The following DAPK2 variants were observed in gnomAD, a reference collection of about 807,000 sequenced individuals.
The protein encoded by DAPK2 is death-associated protein kinase 2.
DAPK2 carries 35 observed loss-of-function variants against 44.1 expected under a neutral mutation model. That is an observed-to-expected ratio of 0.79 (90% CI 0.61 to 1.05). The LOEUF (loss-of-function observed/expected upper bound fraction) is 1.05. Ranked by LOEUF, DAPK2 falls within the 50% of genes least tolerant of loss-of-function variation. The probability of loss-of-function intolerance (pLI) is 0.00; values close to 1 mark genes in which losing one functional copy is unlikely to be tolerated. For synonymous variants in DAPK2, 174 were observed against 182.6 expected (o/e 0.95, Z 0.38); for missense variants, 453 against 483.2 (o/e 0.94, Z 0.59).
At chr15:63,922,570 G>C in intron 8 of DAPK2, 1 of 1,411,002 alleles carries the variant, frequency 7.1e-7, no homozygotes, top group Non-Finnish European at 9.2e-7. Flanking sequence ...GCAGAATGAA[G>C]AATTAACTGG....
At chr15:64,030,466 A>T (rs1029608709) in intron 1 of DAPK2, among the ~76,000 whole-genome samples, 1 of 152,076 alleles carries the variant, frequency 6.6e-6, no homozygotes, top group African/African-American at 2.4e-5. Flanking sequence ...TACAAGTCTC[A>T]TGGGTTTAAG....
chr15:63,951,522 TG>T (rs1294833667), intron 3 of DAPK2, among the ~76,000 whole-genome samples: 1 of 152,182 alleles, frequency 6.6e-6, no homozygotes, highest in African/African-American at 2.4e-5. Context: ...CACACCAGGA[TG>T]ATTTCCACTC....
intron 1 of DAPK2, among the ~76,000 whole-genome samples, chr15:64,009,977 G>A (rs2079345205): frequency 6.6e-6 from 1 of 152,190 alleles, no homozygotes; most frequent in Non-Finnish European, 1.5e-5. Flanking sequence ...CAGTTGGGCT[G>A]TGGGTAAGAG....
chr15:63,962,799 G>A (rs1445117877), intron 3 of DAPK2, among the ~76,000 whole-genome samples: 1 of 152,240 alleles, frequency 6.6e-6, no homozygotes, highest in Non-Finnish European at 1.5e-5. Flanking sequence ...TCGGGGGTCA[G>A]GGACCCACTT....
intron 8 of DAPK2, 69 bp downstream of exon 9, chr15:63,924,747 C>T: frequency 6.4e-7 from 1 of 1,569,544 alleles, no homozygotes; most frequent in Non-Finnish European, 8.7e-7. Flanking sequence ...CTGCATCTGG[C>T]TGCCCAGGCC....
chr15:63,961,108 T>C (rs926668155), intron 3 of DAPK2, among the ~76,000 whole-genome samples: 1 of 152,128 alleles, frequency 6.6e-6, no homozygotes, highest in Admixed American at 6.5e-5. Context: ...GTAATGGCCT[T>C]CTTTGTCTCT....
intron 1 of DAPK2, among the ~76,000 whole-genome samples, chr15:64,004,335 T>C (rs1201746916): frequency 6.6e-6 from 1 of 152,188 alleles, no homozygotes; most frequent in Non-Finnish European, 1.5e-5. Flanking sequence ...CCTTCATTGG[T>C]GGTGCTGTGT....
intron 4 of DAPK2, among the ~76,000 whole-genome samples, chr15:63,931,805 G>A (rs2076961257): frequency 6.6e-6 from 1 of 152,158 alleles, no homozygotes; most frequent in Admixed American, 6.5e-5. Context: ...ATGCTCCCCA[G>A]AGATCAAGCA....
At chr15:63,924,745 G>A in intron 8 of DAPK2, 71 bp downstream of exon 9, 2 of 1,558,126 alleles carry the variant, frequency 1.3e-6, no homozygotes, top group Admixed American at 3.4e-5. Context: ...CTCTGCATCT[G>A]GCTGCCCAGG....
Position 63,939,742 on chromosome 15 carries a change from G to A in DAPK2, c.454-381C>T, listed in dbSNP as rs149149477. On this transcript the variant is annotated intron_variant, in intron 3 of 10. Coordinates refer to ENST00000261891, the Ensembl canonical transcript of DAPK2. The surrounding 1 kb of genome is among the most constrained non-coding windows in gnomAD (Gnocchi z 4.3). ...ATTTCCTGTAAACAAACCCAGCACT[G>A]CTGTGTGGGTGTGAAAGGGACGGGG... 4.6e-5 allele frequency among the ~76,000 whole-genome samples: 7 copies of A among 152,304 alleles called. No individual in the cohort carries two copies. The highest frequency in any genetic ancestry group is 8.8e-5 in the Non-Finnish European group (6 of 68,016).
intron 3 of DAPK2, among the ~76,000 whole-genome samples, chr15:63,948,620 A>G (rs565324032): frequency 1.3e-5 from 2 of 152,290 alleles, no homozygotes; most frequent in Non-Finnish European, 2.9e-5. Flanking sequence ...AGGTGGGGAC[A>G]CAGATCCAAA....
At chr15:63,947,132 C>A (rs553292492) in intron 3 of DAPK2, among the ~76,000 whole-genome samples, 3 of 152,292 alleles carry the variant, frequency 2.0e-5, no homozygotes, top group Admixed American at 1.3e-4. Flanking sequence ...CCATCCCACC[C>A]TGCAGTTCAC....
chr15:63,974,212 T>C (rs542420403), intron 2 of DAPK2, among the ~76,000 whole-genome samples: 2 of 152,358 alleles, frequency 1.3e-5, no homozygotes, highest in Admixed American at 1.3e-4. Flanking sequence ...CTACTTGGGC[T>C]TATTTATCCT....
chr15:63,943,708 A>G (rs1004709462), intron 3 of DAPK2, among the ~76,000 whole-genome samples: 2 of 97,572 alleles, frequency 2.0e-5, no homozygotes, highest in Non-Finnish European at 4.4e-5. Flanking sequence ...CCCCGACTCT[A>G]CTAAAAAAAA....
intron 1 of DAPK2, among the ~76,000 whole-genome samples, chr15:64,017,855 G>A (rs953952800): frequency 2.6e-5 from 4 of 152,272 alleles, no homozygotes; most frequent in East Asian, 1.9e-4. Context: ...ACAGACTCCC[G>A]GAGAAGGAGG....
At chr15:63,941,593 A>T (rs1452806418) in intron 3 of DAPK2, among the ~76,000 whole-genome samples, 1 of 152,202 alleles carries the variant, frequency 6.6e-6, no homozygotes, top group East Asian at 1.9e-4. Context: ...CTTCCACTCA[A>T]GGGAGCTGAC....
chr15:63,992,397 T>C (rs1279864332), intron 1 of DAPK2, among the ~76,000 whole-genome samples: 1 of 150,212 alleles, frequency 6.7e-6, no homozygotes, highest in East Asian at 2.0e-4. Context: ...CCATGCATCC[T>C]CCTAACTGTC....
In DAPK2 at chr15:63,939,266, T is replaced by C; in HGVS notation, c.549A>G (p.Glu183=). The C allele has an allele frequency of 6.2e-7, 1 of 1,614,056 alleles. No individual in the cohort carries two copies. The highest frequency in any genetic ancestry group is 8.5e-7 in the Non-Finnish European group (1 of 1,180,014). ...CCGGCGTCCCAAAAATATTCTTAAA[T>C]TCAACTCCATCTTCTATTTCGTGAG... Residue 183 remains glutamate (E), a synonymous_variant, in exon 4 of 11, where the codon GAA becomes GAG. Transcript: ENST00000261891. The surrounding 1 kb of genome is among the most constrained non-coding windows in gnomAD (Gnocchi z 4.3).
intron 1 of DAPK2, 102 bp downstream of exon 2, chr15:64,040,068 T>C: frequency 1.1e-6 from 1 of 877,452 alleles, no homozygotes; most frequent in Non-Finnish European, 1.9e-6. Flanking sequence ...AGCTTCCCAC[T>C]GGTCCTGTGG....
Sources: gnomAD v4.1 joint callset for allele counts (sites outside exome capture counted in the v4.1 genomes callset) on GRCh38, gnomAD v4.1.1 for gene constraint, Gnocchi (gnomAD v3.1) non-coding constraint, MANE v1.5 for transcripts, NCBI Gene and HGNC (gene_info 2026-07-23, HGNC 2026-07-21) for gene names.